Variants in PRKG2 observed in about 807,000 individuals in gnomAD.
PRKG2 encodes the protein protein kinase cGMP-dependent 2.
In PRKG2, 33 loss-of-function variants were observed where a neutral mutation model predicts 97.2. The ratio of observed to expected loss-of-function variants is 0.34; its 90% confidence interval spans 0.26 to 0.45. The LOEUF (loss-of-function observed/expected upper bound fraction) is 0.45, where lower values mean the gene tolerates loss of function less well. PRKG2 is among the 20% of genes least tolerant of loss of function. The probability of loss-of-function intolerance (pLI) is 1.00; values close to 1 mark genes in which losing one functional copy is unlikely to be tolerated. For synonymous variants in PRKG2, 330 were observed against 321.8 expected (o/e 1.03, Z -0.27); for missense variants, 638 against 900.0 (o/e 0.71, Z 3.73).
chr4:81,167,816 C>T (rs556316425), intron 5 of PRKG2, among the ~76,000 whole-genome samples: 67 of 151,790 alleles, frequency 4.4e-4, no homozygotes, highest in African/African-American at 1.5e-3. Flanking sequence ...TAAACAACAC[C>T]AAGGGAATGA....
At position 81,202,820 on chromosome 4, in the gene PRKG2, G is replaced by A. The variant is rs1295374712; in HGVS notation, c.461+1767C>T. On this transcript the variant is annotated intron_variant, in intron 2 of 18. Transcript: ENST00000264399. ...GCTTATCTCAGATTTTTCAGCACCA[G>A]GAGCATGGTGTTTTGCCTCAAGATG... Among the ~76,000 whole-genome samples, 5 of 152,050 alleles carry A rather than the reference G, an allele frequency of 3.3e-5. No homozygotes were observed. The East Asian group carries it at 9.6e-4, about 29-fold the overall frequency.
At chr4:81,137,994 A>C (rs1439406056) in intron 12 of PRKG2, among the ~76,000 whole-genome samples, 3 of 152,178 alleles carry the variant, frequency 2.0e-5, no homozygotes, top group Admixed American at 2.0e-4. Context: ...TGGGGAGTGC[A>C]ATTGGAAACA....
chr4:81,217,198 G>A (rs972285645), upstream of PRKG2, among the ~76,000 whole-genome samples: 1 of 151,706 alleles, frequency 6.6e-6, no homozygotes. Context: ...TAAACAATGG[G>A]TTGCTAATTA....
intron 2 of PRKG2, among the ~76,000 whole-genome samples, chr4:81,194,601 C>T (rs1752828443): frequency 6.6e-6 from 1 of 152,104 alleles, no homozygotes; most frequent in Admixed American, 6.5e-5. Context: ...AAACATTTCT[C>T]TCTCTCTCTT....
intron 5 of PRKG2, among the ~76,000 whole-genome samples, chr4:81,167,900 A>G (rs767338128): frequency 1.2e-4 from 19 of 152,146 alleles, no homozygotes; most frequent in Non-Finnish European, 2.5e-4. Flanking sequence ...GGGGAAATAC[A>G]TAAGAACTTC....
intron 2 of PRKG2, among the ~76,000 whole-genome samples, chr4:81,183,759 G>A (rs1402607597): frequency 6.6e-6 from 1 of 152,114 alleles, no homozygotes; most frequent in African/African-American, 2.4e-5. Context: ...AATTCTCACT[G>A]CCAGTACAGC....
At chr4:81,185,438 G>A (rs557644140) in intron 2 of PRKG2, among the ~76,000 whole-genome samples, 1 of 152,258 alleles carries the variant, frequency 6.6e-6, no homozygotes, top group East Asian at 1.9e-4. Flanking sequence ...GAGAGATTTT[G>A]TCACCACCAG....
At chr4:81,153,749 TA>T in intron 6 of PRKG2, 28 bp from the exon 7 acceptor site, 1 of 1,544,270 alleles carries the variant, frequency 6.5e-7, no homozygotes, top group South Asian at 1.1e-5. Flanking sequence ...AAAGAAAATG[TA>T]AGAGCGGGTG....
At chr4:81,165,547 G>T (rs1217177759) in intron 6 of PRKG2, among the ~76,000 whole-genome samples, 2 of 150,986 alleles carry the variant, frequency 1.3e-5, no homozygotes, top group African/African-American at 4.9e-5. Flanking sequence ...ATTTCTTAGC[G>T]CTAAATAGAT....
chr4:81,143,770 TAG>T (rs1295085059), intron 10 of PRKG2, among the ~76,000 whole-genome samples: 3 of 152,236 alleles, frequency 2.0e-5, no homozygotes, highest in East Asian at 3.9e-4. Context: ...TTAACAAAAG[TAG>T]AGTTTTCTAG....
chr4:81,149,627 G>A (rs1219023857), intron 8 of PRKG2, among the ~76,000 whole-genome samples: 1 of 152,076 alleles, frequency 6.6e-6, no homozygotes, highest in East Asian at 1.9e-4. Context: ...ATTACCTAAT[G>A]AATGCCAGTG....
Position 81,142,944 on chromosome 4 carries a change from C to T in PRKG2, c.1257G>A (p.Arg419=), listed in dbSNP as rs761309824. 28 of 1,607,680 alleles carry T rather than the reference C, an allele frequency of 1.7e-5. No homozygotes were observed. The Admixed American group carries it at 4.2e-4, about 24-fold the overall frequency. ...TGGACAGCTTCCAGTTAGACATGGA[C>T]CGCCTGTACAAGAGAAGTGAAACTT... ...NRDDEKRHAK[R]SMSNWKLSKA... The change falls in exon 11 of 19, where the codon CGG becomes CGA. Residue 419 remains arginine, a synonymous_variant. Transcript: ENST00000264399.
chr4:81,154,798 G>C (rs972110431), intron 6 of PRKG2, among the ~76,000 whole-genome samples: 7 of 152,172 alleles, frequency 4.6e-5, no homozygotes, highest in African/African-American at 1.7e-4. Context: ...CGAGAAGAAG[G>C]CTTCAGACGA....
In PRKG2 at chr4:81,142,736, TA is replaced by T. The variant is rs1747416184; in HGVS notation, c.1407+57del. 7.5e-6 allele frequency: 11 copies of T among 1,464,024 alleles called. No individual in the cohort carries two copies. The East Asian group carries it at 2.3e-4, about 31-fold the overall frequency. The allele number at this position is 1,464,024 out of a possible 1,614,324, so 90.7% of individuals were successfully genotyped here. ...TATTCCTCCAAGATATGCTGGAATA[TA>T]AAACAAAAAAAAAGTCAAAAGGCTT... On this transcript the variant is annotated intron_variant, in intron 11 of 18. Transcript: ENST00000264399.
At position 81,204,631 on chromosome 4, in the gene PRKG2, G is replaced by T. The variant is rs1480904193; in HGVS notation, c.417C>A (p.Pro139=). ...TTGCTTTCTCAAAGGAAAATTCAGGGGGTTTGTTCAGGTCATAGGTCCGGG... is the reference window on the plus strand; with the variant it reads ...TTGCTTTCTCAAAGGAAAATTCAGGTGGTTTGTTCAGGTCATAGGTCCGGG... ...PTTRTYDLNK[P]PEFSFEKARV... The change falls in exon 2 of 19, where the codon CCC becomes CCA. Residue 139 remains proline, a synonymous_variant. Transcript: ENST00000264399. 1 of 1,613,942 alleles carries T rather than the reference G, an allele frequency of 6.2e-7. No homozygotes were observed. Among genetic ancestry groups the T allele is most frequent in the African/African-American group, 1.3e-5 (1 of 74,894 alleles).
At chr4:81,090,228 C>A (rs1322984205) in intron 18 of PRKG2, among the ~76,000 whole-genome samples, 1 of 152,016 alleles carries the variant, frequency 6.6e-6, no homozygotes, top group African/African-American at 2.4e-5. Flanking sequence ...CATGGTGGCA[C>A]ACACCTGTGA....
chr4:81,169,838 G>C, intron 4 of PRKG2, 70 bp from the exon 5 acceptor site: 1 of 995,814 alleles, frequency 1.0e-6, no homozygotes, highest in Non-Finnish European at 1.5e-6. Context: ...AATATAAATC[G>C]ATGGATTTGT....
intron 1 of PRKG2, among the ~76,000 whole-genome samples, chr4:81,205,486 C>T (rs1422763515): frequency 6.6e-6 from 1 of 152,276 alleles, no homozygotes; most frequent in East Asian, 1.9e-4. Flanking sequence ...TTTCATAGCT[C>T]CCCATGCGGC....
At chr4:81,183,567 T>C (rs2110099978) in intron 2 of PRKG2, among the ~76,000 whole-genome samples, 1 of 152,066 alleles carries the variant, frequency 6.6e-6, no homozygotes, top group Admixed American at 6.5e-5. Flanking sequence ...GGGCGGCCAT[T>C]TGGACAGACA....
Sources: gnomAD v4.1 joint callset for allele counts (sites outside exome capture counted in the v4.1 genomes callset) on GRCh38, gnomAD v4.1.1 for gene constraint, MANE v1.5 for transcripts, NCBI Gene and HGNC (gene_info 2026-07-23, HGNC 2026-07-21) for gene names.